ZDHHC18: variants seen among roughly 807,000 people sequenced by gnomAD.
ZDHHC18 encodes zDHHC palmitoyltransferase 18, also known as palmitoyltransferase ZDHHC18.
In ZDHHC18, 23 loss-of-function variants were observed where a neutral mutation model predicts 37.5. The ratio of observed to expected loss-of-function variants is 0.61; its 90% CI spans 0.44 to 0.87. ZDHHC18 has a LOEUF of 0.87. ZDHHC18 is among the 40% of genes least tolerant of loss of function. The pLI, the probability that ZDHHC18 is intolerant of heterozygous loss-of-function variation, is 0.00. For missense variants in ZDHHC18, 406 were observed against 525.6 expected (o/e 0.77, Z 2.22); for synonymous variants, 185 against 218.7 (o/e 0.85, Z 1.36).
In ZDHHC18 at chr1:26,851,152, T is replaced by G. The variant is rs781567756; in HGVS notation, c.857T>G (p.Phe286Cys). 23 of 1,614,074 alleles carry G rather than the reference T, an allele frequency of 1.4e-5. No homozygotes were observed. The highest frequency in any genetic ancestry group is 1.0e-4 in the Admixed American group (6 of 60,008). The change falls in exon 6 of 8, where the codon TTC (phenylalanine) becomes TGC (cysteine). Residue 286 changes from phenylalanine to cysteine, a missense_variant. By Grantham distance (205) the Phe-to-Cys change is radical. Coordinates refer to ENST00000374142, the MANE Select transcript of ZDHHC18 (RefSeq NM_032283.3). ...PASVLELVIC[F>C]FSIWSILGLS... is the part of the protein sequence containing the mutation. ...ACCGTGCTGGAGTTGGTGATCTGCTTCTTCTCCATCTGGTCCATTCTGGGC... is the reference window on the plus strand; with the variant it reads ...ACCGTGCTGGAGTTGGTGATCTGCTGCTTCTCCATCTGGTCCATTCTGGGC...
intron 2 of ZDHHC18, among the ~76,000 whole-genome samples, chr1:26,846,835 C>A (rs2081669532): frequency 6.6e-6 from 1 of 152,002 alleles, no homozygotes; most frequent in Non-Finnish European, 1.5e-5. Context: ...TCTTAAAAAT[C>A]TAAGGATAAT....
chr1:26,850,987 A>T lies in ZDHHC18; in HGVS notation c.834-142A>T. On this transcript the variant is annotated intron_variant, in intron 5 of 7. Transcript: ENST00000374142. This position sits in a 1 kb window ranked among gnomAD's most constrained non-coding sequence, Gnocchi z 6.1. ...GGGCCCAGGAGGTGATCCTGCTAAG[A>T]AGTGGGGACTGGGCCACAGGAAGGT... 1.3e-6 allele frequency: 1 copy of T among 761,190 alleles called. No individual in the cohort carries two copies. The highest frequency in any genetic ancestry group is 1.7e-5 in the South Asian group (1 of 60,404). The allele number at this position is 761,190 out of a possible 1,614,324, so 47.2% of individuals were successfully genotyped here. A position where few individuals can be genotyped will look rare whatever the true frequency, so the allele number is the denominator to read the frequency against.
rs1387928029 is a variant in ZDHHC18 at position 26,851,225 on chromosome 1, T to G, written c.930T>G (p.Asn310Lys). The stretch of plus-strand genomic sequence containing the variant: ...TCGTCGCCTCCAACCTGACTACTAA[T>G]GAAGACGTGAGTAAACCTGGAGCCA... ...TYLVASNLTT[N>K]EDIKGSWSSK... Residue 310 changes from asparagine to lysine, a missense_variant, in exon 6 of 8, where the codon AAT becomes AAG. Physicochemically the swap from Asn to Lys is moderately conservative, Grantham distance 94. Transcript: ENST00000374142. 6.2e-7 allele frequency: 1 copy of G among 1,614,102 alleles called. No homozygotes were observed. The highest frequency in any genetic ancestry group is 8.5e-7 in the Non-Finnish European group (1 of 1,179,924).
At chr1:26,830,493 GATAGTACAGTAACTATCTAC>G (rs1419545174) in intron 1 of ZDHHC18, among the ~76,000 whole-genome samples, 13 of 152,174 alleles carry the variant, frequency 8.5e-5, no homozygotes, top group South Asian at 4.1e-4. Context: ...ACTATCTGTA[GATAGTACAGTAACTATCTAC>G]ATAGTACAGT....
intron 2 of ZDHHC18, among the ~76,000 whole-genome samples, chr1:26,839,639 G>C (rs1404321241): frequency 6.6e-6 from 1 of 152,158 alleles, no homozygotes; most frequent in Admixed American, 6.5e-5. Flanking sequence ...GGATCCCCTT[G>C]CCTAGCCCAG....
At chr1:26,849,546 G>A (rs750819637) in intron 3 of ZDHHC18, among the ~76,000 whole-genome samples, 2 of 152,224 alleles carry the variant, frequency 1.3e-5, no homozygotes, top group African/African-American at 2.4e-5. Flanking sequence ...GAGCTGCCCC[G>A]CCCACGCCGT....
rs901326687 is a variant in ZDHHC18 at position 26,857,063 on chromosome 1, G to T, written c.*3220G>T. Reference sequence around the variant, plus strand: ...GGGCTGGCCTCTTTGCCCCATTCCCGCTCCATGCCGGCCAGAGTGTAGAAA... The same window carrying T: ...GGGCTGGCCTCTTTGCCCCATTCCCTCTCCATGCCGGCCAGAGTGTAGAAA... On this transcript the variant is annotated 3_prime_UTR_variant, in exon 8 of 8. Transcript: ENST00000374142. 1 of 152,496 alleles carries T rather than the reference G, an allele frequency of 6.6e-6. No individual in the cohort carries two copies. Among genetic ancestry groups the T allele is most frequent in the African/African-American group, 2.4e-5 (1 of 41,460 alleles). The allele number at this position is 152,496 out of a possible 1,614,324, so 9.4% of individuals were successfully genotyped here.
At position 26,848,880 on chromosome 1, in the gene ZDHHC18, G is replaced by A. The variant is rs1570674845; in HGVS notation, c.646+123G>A. 15 of 1,395,094 alleles carry A rather than the reference G, an allele frequency of 1.1e-5. No individual in the cohort carries two copies. The South Asian group carries it at 1.8e-4, about 17-fold the overall frequency. The allele number at this position is 1,395,094 out of a possible 1,614,324, so 86.4% of individuals were successfully genotyped here. ...CTGAAATACCCAGGGCTGGGCAGGG[G>A]GTCTGGTTCACCCAGATTTGCCCTG... On this transcript the variant is annotated intron_variant, in intron 3 of 7. Coordinates refer to ENST00000374142, the MANE Select transcript of ZDHHC18 (RefSeq NM_032283.3).
At chr1:26,847,898 A>C (rs144353641) in intron 2 of ZDHHC18, among the ~76,000 whole-genome samples, 73 of 152,294 alleles carry the variant, frequency 4.8e-4, no homozygotes, top group Non-Finnish European at 8.1e-4. Context: ...TCAGGCCAGC[A>C]GTCTTGTAAA....
At chr1:26,836,057 G>A (rs758144814) in intron 2 of ZDHHC18, among the ~76,000 whole-genome samples, 2 of 152,222 alleles carry the variant, frequency 1.3e-5, no homozygotes, top group Admixed American at 6.5e-5. Flanking sequence ...CTGAGATCCT[G>A]TCTTGCCGGC....
chr1:26,847,798 C>T (rs1248587403), intron 2 of ZDHHC18, among the ~76,000 whole-genome samples: 1 of 151,976 alleles, frequency 6.6e-6, no homozygotes, highest in Non-Finnish European at 1.5e-5. Flanking sequence ...CCTCACTCCT[C>T]AGCCTCCCAA....
At position 26,855,782 on chromosome 1, in the gene ZDHHC18, C is replaced by G. The variant is rs2081731209; in HGVS notation, c.*1939C>G. On this transcript the variant is annotated 3_prime_UTR_variant, in exon 8 of 8. Coordinates refer to ENST00000374142, the MANE Select transcript of ZDHHC18 (RefSeq NM_032283.3). The stretch of plus-strand genomic sequence containing the variant: ...TGCTGAGGCCCCAACTGGGAGCCCT[C>G]TGTTCTTTCAGACAAATTTGGTTCT... 1 of 155,294 alleles carries G rather than the reference C, an allele frequency of 6.4e-6. No homozygotes were observed. The highest frequency in any genetic ancestry group is 2.4e-5 in the African/African-American group (1 of 41,574). The allele number at this position is 155,294 out of a possible 1,614,324, so 9.6% of individuals were successfully genotyped here. A position where few individuals can be genotyped will look rare whatever the true frequency, so the allele number is the denominator to read the frequency against.
intron 1 of ZDHHC18, among the ~76,000 whole-genome samples, chr1:26,831,641 C>T (rs182241802): frequency 1.3e-5 from 2 of 152,238 alleles, no homozygotes; most frequent in East Asian, 1.9e-4. Context: ...GAGGAGGGAG[C>T]TTGAAGAGGG....
At chr1:26,851,928 C>T (rs1210693125) in intron 6 of ZDHHC18, among the ~76,000 whole-genome samples, 1 of 152,234 alleles carries the variant, frequency 6.6e-6, no homozygotes, top group Non-Finnish European at 1.5e-5. Context: ...GACTTCTCCT[C>T]CCCATCCTCC....
rs528896503 is a variant in ZDHHC18 at position 26,846,419 on chromosome 1, C to T, written c.497-2189C>T. On this transcript the variant is annotated intron_variant, in intron 2 of 7. Coordinates refer to ENST00000374142, the MANE Select transcript of ZDHHC18 (RefSeq NM_032283.3). ...TCGGCTCACTGCAAGCTCTGCCTCC[C>T]GGGTTGACGCCATTCTCCTGCCTCA... Among the ~76,000 whole-genome samples the T allele has an allele frequency of 4.7e-3, 659 of 139,166 alleles. 4 individuals carry two copies. Among genetic ancestry groups the T allele is most frequent in the African/African-American group, 0.011 (419 of 36,940 alleles). 91.3% of individuals were successfully genotyped at this position (139,166 alleles called of 152,430 possible). A position where few individuals can be genotyped will look rare whatever the true frequency, so the allele number is the denominator to read the frequency against.
intron 3 of ZDHHC18, among the ~76,000 whole-genome samples, 182 bp downstream of exon 3, chr1:26,848,939 T>G (rs1041805839): frequency 1.2e-4 from 18 of 152,092 alleles, no homozygotes; most frequent in African/African-American, 4.1e-4. Context: ...GCCCTCAGCA[T>G]AACCAGGAGT....
At position 26,857,588 on chromosome 1, in the gene ZDHHC18, CTCT is replaced by C. The variant is rs539147372; in HGVS notation, c.*3750_*3752del. ...TTTTTTAACCAAAATAAAGATTCCC[CTCT>C]TCTTGCCATACCATTGGCTGTCTGG... is the stretch of plus-strand genomic sequence containing the variant. On this transcript the variant is annotated 3_prime_UTR_variant, in exon 8 of 8. Coordinates refer to ENST00000374142, the MANE Select transcript of ZDHHC18 (RefSeq NM_032283.3). 3.0e-3 allele frequency: 451 copies of C among 151,850 alleles called. 2 individuals carry two copies. The highest frequency in any genetic ancestry group is 0.01 in the African/African-American group (427 of 41,358). The allele number at this position is 151,850 out of a possible 1,614,324, so 9.4% of individuals were successfully genotyped here.
At chr1:26,846,310 ATTTTTTTTT>A (rs56921528) in intron 2 of ZDHHC18, among the ~76,000 whole-genome samples, 2 of 43,624 alleles carry the variant, frequency 4.6e-5, no homozygotes, top group South Asian at 1.2e-3. Flanking sequence ...ATATATATAT[ATTTTTTTTT>A]TTTTTTTTTT....
rs1452291069 is a variant in ZDHHC18 at position 26,846,288 on chromosome 1, G to GTATATATA, written c.497-2319_497-2318insATATATAT. On this transcript the variant is annotated intron_variant, in intron 2 of 7. Transcript: ENST00000374142. ...TAGAGATATATGTGTGTGTGTGTGT[G>GTATATATA]TGTATATATATATATATATATATTT... 4.5e-3 allele frequency among the ~76,000 whole-genome samples: 238 copies of GTATATATA among 53,134 alleles called. 2 individuals are homozygous for GTATATATA. Among genetic ancestry groups the GTATATATA allele is most frequent in the East Asian group, 0.019 (17 of 874 alleles). The allele number at this position is 53,134 out of a possible 152,430, so 34.9% of individuals were successfully genotyped here.
Sources: allele counts gnomAD v4.1 joint callset (sites outside exome capture counted in the v4.1 genomes callset), GRCh38; gene constraint gnomAD v4.1.1; non-coding constraint Gnocchi (gnomAD v3.1); transcripts MANE v1.5; gene names NCBI Gene and HGNC (gene_info 2026-07-23, HGNC 2026-07-21).